Variants in IFT46 observed in about 807,000 individuals in gnomAD.
IFT46 encodes the protein intraflagellar transport 46, also known as intraflagellar transport protein 46 homolog.
IFT46 carries 19 observed loss-of-function variants against 39.6 expected under a neutral mutation model. The ratio of observed to expected loss-of-function variants is 0.48; its 90% CI spans 0.33 to 0.70. IFT46 has a LOEUF of 0.70. Among genes scored for constraint, IFT46 ranks in the 30% least tolerant of loss-of-function variants. The probability of loss-of-function intolerance (pLI) is 0.01; values close to 1 mark genes in which losing one functional copy is unlikely to be tolerated. For missense variants in IFT46, 334 were observed against 364.8 expected, an observed-to-expected ratio of 0.92 and a Z score of 0.69; for synonymous variants, 117 against 134.8, an observed-to-expected ratio of 0.87 and a Z score of 0.91.
At position 118,556,944 on chromosome 11, in the gene IFT46, A is replaced by T; in HGVS notation, c.147T>A (p.Ser49=). 6.2e-7 allele frequency: 1 copy of T among 1,608,810 alleles called. No individual in the cohort carries two copies. The highest frequency in any genetic ancestry group is 8.5e-7 in the Non-Finnish European group (1 of 1,176,878). ...CTCCATGCTCTTCATCATCATCATC[A>T]GAATCAGAATCAGTTTCAGATGAAT... is the stretch of plus-strand genomic sequence containing the variant. The part of the protein sequence containing the change: ...DDDSSETDSD[S]DDDDEEHGAP... Residue 49 remains serine (S), a synonymous_variant, in exon 4 of 12, where the codon TCT becomes TCA. Coordinates refer to ENST00000264021, the MANE Select transcript of IFT46 (RefSeq NM_001168618.2).
At chr11:118,551,763 A>T (rs1937649284) in intron 9 of IFT46, 23 bp downstream of exon 9, 1 of 1,592,150 alleles carries the variant, frequency 6.3e-7, no homozygotes, top group Non-Finnish European at 8.6e-7. Context: ...TTCTTACCCT[A>T]CCTCCTGCTA....
chr11:118,560,564 G>A (rs1938017574), intron 2 of IFT46: 1 of 307,032 alleles, frequency 3.3e-6, no homozygotes, highest in East Asian at 8.4e-5. Flanking sequence ...AGTACAGAGT[G>A]CTGAATTCAT....
chr11:118,572,706 C>T, exon 1 of IFT46: 1 of 854,086 alleles, frequency 1.2e-6, no homozygotes, highest in Non-Finnish European at 1.8e-6. Flanking sequence ...CCTCCTGTGC[C>T]CGGTCTCCTG....
At chr11:118,550,767 G>A (rs925081902) in intron 9 of IFT46, among the ~76,000 whole-genome samples, 2 of 152,090 alleles carry the variant, frequency 1.3e-5, no homozygotes, top group African/African-American at 2.4e-5. Flanking sequence ...GGTGGCTCAC[G>A]CCTATAATCC....
intron 10 of IFT46, 114 bp from the exon 11 acceptor site, chr11:118,545,608 G>T: frequency 9.2e-7 from 1 of 1,083,722 alleles, no homozygotes; most frequent in Non-Finnish European, 1.4e-6. Context: ...TGACTTTGGG[G>T]GTTAAATACC....
At chr11:118,557,732 AC>A (rs782485195) in intron 3 of IFT46, 16 of 1,613,674 alleles carry the variant, frequency 9.9e-6, no homozygotes, top group Non-Finnish European at 1.4e-5. Flanking sequence ...TGACATTATA[AC>A]CTACCTTTCT....
intron 7 of IFT46, among the ~76,000 whole-genome samples, chr11:118,553,766 C>T (rs1186405013): frequency 1.3e-5 from 2 of 152,120 alleles, no homozygotes; most frequent in East Asian, 3.9e-4. Context: ...TAAAGCAAAT[C>T]TGGTAAATCC....
At chr11:118,574,052 AT>A (rs1383036187), upstream of IFT46, among the ~76,000 whole-genome samples, 24 of 152,308 alleles carry the variant, frequency 1.6e-4, no homozygotes, top group Non-Finnish European at 3.2e-4. Context: ...GGAACTTAGT[AT>A]TTTTAATTCA....
chr11:118,559,754 A>G (rs782087709), intron 3 of IFT46, 31 bp downstream of exon 3: 31 of 1,589,166 alleles, frequency 2.0e-5, no homozygotes, highest in South Asian at 3.3e-5. Context: ...CAAAGCAGAA[A>G]TTCTACAAGA....
intron 2 of IFT46, among the ~76,000 whole-genome samples, chr11:118,561,991 T>C (rs944761541): frequency 6.6e-6 from 1 of 151,308 alleles, no homozygotes; most frequent in Non-Finnish European, 1.5e-5. Flanking sequence ...ATACAAAAAT[T>C]AGGCCGGGCA....
chr11:118,564,692 AGAAAAG>A (rs1938168745), intron 2 of IFT46, among the ~76,000 whole-genome samples: 1 of 150,502 alleles, frequency 6.6e-6, no homozygotes, highest in South Asian at 2.1e-4. Context: ...TTAAAAAAAA[AGAAAAG>A]AAAAAGAAAA....
At chr11:118,576,351 A>G (rs143773467), upstream of IFT46, among the ~76,000 whole-genome samples, 279 of 144,146 alleles carry the variant, frequency 1.9e-3, 3 homozygotes, top group African/African-American at 6.7e-3. Context: ...ATGGGCCCTC[A>G]GTTTTCACAT....
intron 7 of IFT46, among the ~76,000 whole-genome samples, chr11:118,552,920 TAAAA>T (rs139584869): frequency 7.5e-6 from 1 of 133,562 alleles, no homozygotes; most frequent in Non-Finnish European, 1.6e-5. Flanking sequence ...AAATAAAAAT[TAAAA>T]AAAAAAAAAA....
upstream of IFT46, chr11:118,566,216 G>C (rs1565352975): frequency 1.3e-5 from 2 of 152,176 alleles, no homozygotes; most frequent in Non-Finnish European, 2.9e-5. Context: ...ACAATCTCTG[G>C]GGATGCAGTT....
At chr11:118,545,344 T>G in intron 11 of IFT46, 65 bp downstream of exon 11, 1 of 1,201,130 alleles carries the variant, frequency 8.3e-7, no homozygotes. Context: ...CACAGCAGGC[T>G]CAGAACAGTA....
chr11:118,553,313 T>C (rs1474951194), intron 7 of IFT46, among the ~76,000 whole-genome samples: 2 of 151,464 alleles, frequency 1.3e-5, no homozygotes, highest in Non-Finnish European at 2.9e-5. Flanking sequence ...TGGTGGTGCA[T>C]GCCTGTAATC....
At chr11:118,562,644 T>C (rs1415244859) in intron 2 of IFT46, among the ~76,000 whole-genome samples, 3 of 152,174 alleles carry the variant, frequency 2.0e-5, no homozygotes, top group South Asian at 4.1e-4. Flanking sequence ...CCTAGGTGGC[T>C]AGGTCCCAAA....
At chr11:118,566,349 T>A (rs889045675), upstream of IFT46, among the ~76,000 whole-genome samples, 12 of 152,212 alleles carry the variant, frequency 7.9e-5, no homozygotes, top group African/African-American at 2.9e-4. Context: ...TGCCATGGAA[T>A]GGAACATACT....
chr11:118,562,389 G>A (rs898190688), intron 2 of IFT46, among the ~76,000 whole-genome samples: 6 of 152,092 alleles, frequency 3.9e-5, no homozygotes, highest in South Asian at 2.1e-4. Context: ...GCAGTGAACC[G>A]TGATCATGCT....
Sources: gnomAD v4.1 joint callset for allele counts (sites outside exome capture counted in the v4.1 genomes callset) on GRCh38, gnomAD v4.1.1 for gene constraint, MANE v1.5 for transcripts, NCBI Gene and HGNC (gene_info 2026-07-23, HGNC 2026-07-21) for gene names.